The following CSMD1 variants were observed in gnomAD, a reference collection of about 807,000 sequenced individuals.
CSMD1 encodes CUB and Sushi multiple domains 1, also known as CUB and sushi domain-containing protein 1.
A neutral mutation model predicts 417.5 loss-of-function variants in CSMD1; 213 were observed. The observed-to-expected ratio is 0.51, with a 90% CI of 0.46 to 0.57. The LOEUF (loss-of-function observed/expected upper bound fraction) is 0.57, where lower values mean the gene tolerates loss of function less well. CSMD1 is among the 20% of genes least tolerant of loss of function. The pLI, the probability that CSMD1 is intolerant of heterozygous loss-of-function variation, is 0.00. For synonymous variants in CSMD1, 2,862 were observed against 1,736.8 expected (o/e 1.65, Z -16.11); for missense variants, 6,923 against 4,529.7 (o/e 1.53, Z -15.17).
At chr8:3,271,733 G>C (rs887421113) in intron 26 of CSMD1, among the ~76,000 whole-genome samples, 2 of 152,100 alleles carry the variant, frequency 1.3e-5, no homozygotes, top group African/African-American at 4.8e-5. Context: ...GTCTTCTTTT[G>C]AGAAGTGTCT....
intron 3 of CSMD1, among the ~76,000 whole-genome samples, chr8:4,052,707 T>A (rs946178139): frequency 6.6e-6 from 1 of 152,260 alleles, no homozygotes; most frequent in South Asian, 2.1e-4. Context: ...TTGCTATTAA[T>A]GTTATAAATA....
chr8:4,956,942 G>A (rs1011736881), intron 1 of CSMD1, among the ~76,000 whole-genome samples: 1 of 152,178 alleles, frequency 6.6e-6, no homozygotes, highest in Admixed American at 6.6e-5. Context: ...GGACACAAGG[G>A]AGGAAAGCAG....
At chr8:3,616,446 T>G (rs1802142466) in intron 8 of CSMD1, among the ~76,000 whole-genome samples, 1 of 152,202 alleles carries the variant, frequency 6.6e-6, no homozygotes, top group Admixed American at 6.5e-5. Context: ...ATGAGTCAAT[T>G]AAACGTCTTT....
chr8:3,874,552 G>C (rs567802798), intron 5 of CSMD1, among the ~76,000 whole-genome samples: 3 of 152,262 alleles, frequency 2.0e-5, no homozygotes, highest in East Asian at 3.9e-4. Flanking sequence ...CAGCATCTTA[G>C]GGAGATGTTG....
chr8:3,465,751 C>T (rs1816759620), intron 12 of CSMD1, among the ~76,000 whole-genome samples: 1 of 152,098 alleles, frequency 6.6e-6, no homozygotes, highest in Non-Finnish European at 1.5e-5. Context: ...TAGCTACTTT[C>T]TTAGGATGGA....
At chr8:4,047,021 T>A (rs1563361262) in intron 3 of CSMD1, among the ~76,000 whole-genome samples, 1 of 152,178 alleles carries the variant, frequency 6.6e-6, no homozygotes, top group Non-Finnish European at 1.5e-5. Flanking sequence ...CCTATAGGGT[T>A]GTGACATAGA....
chr8:4,267,060 G>A lies in CSMD1; in HGVS notation c.415+152893C>T, dbSNP rs567564830. ...TAACAGAAACCATTCCTGTTAAAGA[G>A]ACAAGAATAGAGTGTCTGTTTACTT... is the stretch of plus-strand genomic sequence containing the variant. On this transcript the variant is annotated intron_variant, in intron 3 of 69. Transcript: ENST00000635120. Among the ~76,000 whole-genome samples, 5 of 103,612 alleles carry A rather than the reference G, an allele frequency of 4.8e-5. 1 individual carries two copies. In the East Asian group the frequency reaches 1.3e-3, roughly 27 times the overall value. The allele number at this position is 103,612 out of a possible 152,430, so 68.0% of individuals were successfully genotyped here.
intron 2 of CSMD1, among the ~76,000 whole-genome samples, chr8:4,573,039 A>T (rs1197125642): frequency 6.6e-6 from 1 of 152,136 alleles, no homozygotes; most frequent in Admixed American, 6.6e-5. Context: ...CAAGGTTCTT[A>T]TCTTCCTTGT....
chr8:3,576,276 A>G (rs1563167900), intron 9 of CSMD1, among the ~76,000 whole-genome samples: 1 of 55,796 alleles, frequency 1.8e-5, no homozygotes, highest in Non-Finnish European at 4.4e-5. Context: ...CAAAATAATA[A>G]TAATAATAAT....
At chr8:3,944,715 C>T (rs539759031) in intron 5 of CSMD1, among the ~76,000 whole-genome samples, 18 of 152,242 alleles carry the variant, frequency 1.2e-4, no homozygotes, top group Non-Finnish European at 2.2e-4. Context: ...ACATTTGTCT[C>T]TTGACAATAT....
At chr8:4,672,348 G>C (rs1805382148) in intron 1 of CSMD1, among the ~76,000 whole-genome samples, 1 of 152,190 alleles carries the variant, frequency 6.6e-6, no homozygotes, top group African/African-American at 2.4e-5. Flanking sequence ...TGGGTTGGAT[G>C]CTGACTTGAA....
chr8:3,512,196 T>A (rs941382115), intron 10 of CSMD1, among the ~76,000 whole-genome samples: 1 of 152,240 alleles, frequency 6.6e-6, no homozygotes, highest in Non-Finnish European at 1.5e-5. Flanking sequence ...CAGATGAGTC[T>A]GTCCACCTAA....
intron 10 of CSMD1, among the ~76,000 whole-genome samples, chr8:3,552,159 G>C (rs546695087): frequency 1.9e-4 from 29 of 152,320 alleles, no homozygotes; most frequent in African/African-American, 7.0e-4. Context: ...CTAAGAGAAA[G>C]AGGTGAGATT....
At chr8:3,505,378 G>C (rs1324880608) in intron 10 of CSMD1, among the ~76,000 whole-genome samples, 2 of 152,104 alleles carry the variant, frequency 1.3e-5, no homozygotes, top group East Asian at 1.9e-4. Context: ...CTACATGAAA[G>C]CAAAAGATAT....
intron 5 of CSMD1, among the ~76,000 whole-genome samples, chr8:3,930,601 G>A (rs111759497): frequency 5.3e-5 from 8 of 150,324 alleles, no homozygotes; most frequent in African/African-American, 1.7e-4. Context: ...AAGGAAACGG[G>A]ACACAGCAGT....
chr8:4,227,295 T>C (rs985946466), intron 3 of CSMD1, among the ~76,000 whole-genome samples: 7 of 152,144 alleles, frequency 4.6e-5, no homozygotes, highest in South Asian at 4.1e-4. Context: ...TCGGTCTGCC[T>C]TGGGGGCTGT....
intron 1 of CSMD1, among the ~76,000 whole-genome samples, chr8:4,731,446 A>C (rs750625562): frequency 1.2e-4 from 18 of 152,298 alleles, no homozygotes; most frequent in Non-Finnish European, 2.1e-4. Context: ...TTTATAATTT[A>C]TGATTTCAAC....
At chr8:4,497,886 T>C (rs1392748947) in intron 2 of CSMD1, among the ~76,000 whole-genome samples, 1 of 152,160 alleles carries the variant, frequency 6.6e-6, no homozygotes, top group South Asian at 2.1e-4. Flanking sequence ...AGGCATCCTG[T>C]TGGCGTTTGA....
intron 2 of CSMD1, among the ~76,000 whole-genome samples, chr8:4,525,106 A>G (rs1250359717): frequency 6.6e-6 from 1 of 152,216 alleles, no homozygotes; most frequent in African/African-American, 2.4e-5. Flanking sequence ...AAGATGATCC[A>G]GATCATAGTG....
Sources: gnomAD v4.1 joint callset for allele counts (sites outside exome capture counted in the v4.1 genomes callset) on GRCh38, gnomAD v4.1.1 for gene constraint, MANE v1.5 for transcripts, NCBI Gene and HGNC (gene_info 2026-07-23, HGNC 2026-07-21) for gene names.